Variants in ZNF160 observed in about 807,000 individuals in gnomAD.
The protein encoded by ZNF160 is KRAB zinc finger protein KR18.
In ZNF160, 9 loss-of-function variants were observed where a neutral mutation model predicts 13.1. That is an observed-to-expected ratio of 0.69 (90% CI 0.41 to 1.20). ZNF160 has a LOEUF of 1.20. Among genes scored for constraint, ZNF160 ranks in the 50% most tolerant of loss-of-function variants. ZNF160 has a pLI of 0.01. For synonymous variants in ZNF160, 293 were observed against 333.2 expected, an observed-to-expected ratio of 0.88 and a Z score of 1.31; for missense variants, 838 against 988.0, an observed-to-expected ratio of 0.85 and a Z score of 2.04.
At chr19:53,088,422 C>A (rs1259132290) in intron 2 of ZNF160, among the ~76,000 whole-genome samples, 1 of 147,124 alleles carries the variant, frequency 6.8e-6, no homozygotes, top group Non-Finnish European at 1.5e-5. Context: ...CTTGTAATCC[C>A]AGTACTTTGG....
chr19:53,088,056 G>A (rs1568496771), intron 2 of ZNF160, among the ~76,000 whole-genome samples: 1 of 152,192 alleles, frequency 6.6e-6, no homozygotes, highest in Non-Finnish European at 1.5e-5. Flanking sequence ...AAGAAGAGGT[G>A]TAAGGACTGA....
rs1008660191 is a variant in ZNF160 at position 53,067,150 on chromosome 19, A to C, written c.*927T>G. On this transcript the variant is annotated 3_prime_UTR_variant, in exon 6 of 6. Coordinates refer to ENST00000683776, the MANE Select transcript of ZNF160 (RefSeq NM_001322131.2). ...GCTAAACAACAGGTATTGCTCTTTG[A>C]TGCATAAGAGGGCGACCTTTTCCCC... 6.6e-6 allele frequency: 1 copy of C among 152,186 alleles called. No individual in the cohort carries two copies. The allele number at this position is 152,186 out of a possible 1,614,324, so 9.4% of individuals were successfully genotyped here.
At chr19:53,102,762 G>A (rs1412215487) in intron 1 of ZNF160, among the ~76,000 whole-genome samples, 4 of 152,118 alleles carry the variant, frequency 2.6e-5, no homozygotes, top group African/African-American at 9.7e-5. Context: ...CTGCATGTTG[G>A]AGGAGTACAT....
At position 53,074,014 on chromosome 19, in the gene ZNF160, T is replaced by C. The variant is rs1308796449; in HGVS notation, c.271+126A>G. Reference sequence around the variant, plus strand: ...AATGTTGGTCAGGCTGGTCTCGAACTCCTGACCTCAAGTGATCTGCCCACC... The same window carrying C: ...AATGTTGGTCAGGCTGGTCTCGAACCCCTGACCTCAAGTGATCTGCCCACC... On this transcript the variant is annotated intron_variant, in intron 5 of 5. Transcript: ENST00000683776. 8 of 871,474 alleles carry C rather than the reference T, an allele frequency of 9.2e-6. No homozygotes were observed. In the East Asian group the frequency reaches 1.2e-4, roughly 14 times the overall value. The allele number at this position is 871,474 out of a possible 1,614,324, so 54.0% of individuals were successfully genotyped here. A position where few individuals can be genotyped will look rare whatever the true frequency, so the allele number is the denominator to read the frequency against.
At position 53,069,911 on chromosome 19, in the gene ZNF160, T is replaced by C; in HGVS notation, c.623A>G (p.Glu208Gly). Reference sequence around the variant, plus strand: ...TGAGGAACCATTGTTGGTAGACTTCTCAACTTGATTACATTCATACATTTT... The same window carrying C: ...TGAGGAACCATTGTTGGTAGACTTCCCAACTTGATTACATTCATACATTTT... ...EGKMYECNQV[E>G]KSTNNGSSVS... is the part of the protein sequence containing the mutation. The change falls in exon 6 of 6, where the codon GAG becomes GGG. Residue 208 changes from glutamate (E) to glycine (G), a missense_variant. By Grantham distance (98) the Glu-to-Gly change is moderately conservative. Around this residue, in one of 3 missense-constraint regions of ZNF160, gnomAD observed 387 missense variants for 402.3 expected, o/e 0.96. Coordinates refer to ENST00000683776, the MANE Select transcript of ZNF160 (RefSeq NM_001322131.2). The surrounding 1 kb of genome is among the most constrained non-coding windows in gnomAD (Gnocchi z 4.4). The C allele has an allele frequency of 6.2e-7, 1 of 1,614,208 alleles. No homozygotes were observed. The highest frequency in any genetic ancestry group is 8.5e-7 in the Non-Finnish European group (1 of 1,180,040).
intron 2 of ZNF160, among the ~76,000 whole-genome samples, chr19:53,088,110 A>G (rs1209980863): frequency 6.6e-6 from 1 of 152,212 alleles, no homozygotes; most frequent in Non-Finnish European, 1.5e-5. Flanking sequence ...AGTTCTGGAG[A>G]CACCAGAAGA....
intron 1 of ZNF160, among the ~76,000 whole-genome samples, chr19:53,101,202 C>T (rs535937074): frequency 6.6e-6 from 1 of 152,212 alleles, no homozygotes; most frequent in Non-Finnish European, 1.5e-5. Context: ...ATCACTTGAA[C>T]CCAGGAGACA....
chr19:53,094,496 C>T (rs528990733), intron 1 of ZNF160, among the ~76,000 whole-genome samples: 20 of 152,250 alleles, frequency 1.3e-4, no homozygotes, highest in Middle Eastern at 3.4e-3. Context: ...CGCTGATGCC[C>T]CTGCACCCCT....
chr19:53,078,768 T>G (rs1463771235), intron 3 of ZNF160, among the ~76,000 whole-genome samples: 1 of 147,898 alleles, frequency 6.8e-6, no homozygotes, highest in Non-Finnish European at 1.5e-5. Context: ...CTGTATACTC[T>G]CATAAGTAGT....
intron 1 of ZNF160, among the ~76,000 whole-genome samples, chr19:53,096,232 A>C (rs1392704017): frequency 6.6e-6 from 1 of 152,204 alleles, no homozygotes; most frequent in African/African-American, 2.4e-5. Context: ...ATAAATAAAT[A>C]ACTGAATGAA....
intron 5 of ZNF160, among the ~76,000 whole-genome samples, chr19:53,071,716 A>G (rs1287869850): frequency 6.6e-6 from 1 of 152,098 alleles, no homozygotes; most frequent in African/African-American, 2.4e-5. Flanking sequence ...CCTATGACCA[A>G]AACACTCACG....
intron 1 of ZNF160, among the ~76,000 whole-genome samples, chr19:53,102,318 C>T (rs1434186120): frequency 1.3e-5 from 2 of 152,154 alleles, no homozygotes; most frequent in East Asian, 3.9e-4. Flanking sequence ...TCTGGCACTC[C>T]CAGATCCCAG....
intron 2 of ZNF160, among the ~76,000 whole-genome samples, chr19:53,090,720 G>T (rs1353017001): frequency 2.6e-5 from 4 of 152,184 alleles, no homozygotes; most frequent in Non-Finnish European, 5.9e-5. Flanking sequence ...TGTCTCAGGG[G>T]AGGGGTGGGA....
chr19:53,087,933 G>C (rs1251798871), intron 2 of ZNF160, among the ~76,000 whole-genome samples: 1 of 152,224 alleles, frequency 6.6e-6, no homozygotes, highest in African/African-American at 2.4e-5. Context: ...ACTAGACACA[G>C]GATTCTAGAC....
chr19:53,075,266 A>G (rs2084343981), intron 3 of ZNF160, 83 bp from the exon 4 acceptor site: 1 of 1,550,268 alleles, frequency 6.5e-7, no homozygotes, highest in Non-Finnish European at 8.8e-7. Flanking sequence ...GAAAAATGTG[A>G]GAATAGGTTA....
chr19:53,080,387 CTG>C (rs2084585235), intron 3 of ZNF160, among the ~76,000 whole-genome samples: 1 of 152,250 alleles, frequency 6.6e-6, no homozygotes, highest in African/African-American at 2.4e-5. Context: ...GCGTGAGCCA[CTG>C]TGCCCGGCCC....
intron 3 of ZNF160, chr19:53,086,012 C>G: frequency 7.1e-7 from 1 of 1,415,508 alleles, no homozygotes; most frequent in Admixed American, 2.0e-5. Flanking sequence ...AGGACCCTCA[C>G]CCCGTCTCCA....
intron 4 of ZNF160, 68 bp from the exon 5 acceptor site, chr19:53,074,336 G>A (rs1417187109): frequency 6.3e-7 from 1 of 1,588,732 alleles, no homozygotes; most frequent in Non-Finnish European, 8.6e-7. Flanking sequence ...ATGTTTACAT[G>A]AGAGGACATT....
rs749049065 is a variant in ZNF160, at chr19:53,068,508, G to T, written c.2026C>A (p.Pro676Thr). 2 of 1,613,686 alleles carry T rather than the reference G, an allele frequency of 1.2e-6. No homozygotes were observed. The highest frequency in any genetic ancestry group is 2.7e-5 in the African/African-American group (2 of 74,888). The change falls in exon 6 of 6, where the codon CCT (proline) becomes ACT (threonine). Residue 676 changes from proline (P) to threonine (T), a missense_variant. By Grantham distance (38) the Pro-to-Thr change is conservative. Coordinates refer to ENST00000683776, the MANE Select transcript of ZNF160 (RefSeq NM_001322131.2). ...TTGCCACATTGATTACATTTGTAAG[G>T]CTTCTCTCCAGTATGGATGACCTTA... ...THKVIHTGEKPYKCNQCGKVF... is the reference protein window; with the variant it reads ...THKVIHTGEKTYKCNQCGKVF...
Sources: gnomAD v4.1 joint callset for allele counts (sites outside exome capture counted in the v4.1 genomes callset) on GRCh38, gnomAD v4.1.1 for gene constraint, gnomAD v4.1.1 regional missense constraint, Gnocchi (gnomAD v3.1) non-coding constraint, MANE v1.5 for transcripts, NCBI Gene and HGNC (gene_info 2026-07-23, HGNC 2026-07-21) for gene names.